ALK: variants seen among roughly 807,000 people sequenced by gnomAD.
ALK encodes the protein ALK receptor tyrosine kinase.
Under a neutral mutation model 163.1 loss-of-function variants are expected in ALK, and 74 were observed. The ratio of observed to expected loss-of-function variants is 0.45; its 90% CI spans 0.38 to 0.55. The LOEUF is 0.55. ALK is among the 20% of genes least tolerant of loss of function. ALK has a pLI of 0.00. For synonymous variants in ALK, 960 were observed against 843.2 expected (o/e 1.14, Z -2.40); for missense variants, 2,063 against 2,105.3 (o/e 0.98, Z 0.39).
At chr2:29,550,250 T>C (rs532203343) in intron 3 of ALK, among the ~76,000 whole-genome samples, 191 of 152,342 alleles carry the variant, frequency 1.3e-3, no homozygotes, top group South Asian at 0.01. Flanking sequence ...ACCTACTTTT[T>C]AGTTGAGAAA....
At chr2:29,761,670 C>T (rs1411052283) in intron 1 of ALK, among the ~76,000 whole-genome samples, 3 of 152,216 alleles carry the variant, frequency 2.0e-5, no homozygotes, top group Non-Finnish European at 2.9e-5. Context: ...TCAGTGTCCA[C>T]CCATTAAAGA....
intron 1 of ALK, among the ~76,000 whole-genome samples, chr2:29,898,363 C>T (rs1231542616): frequency 6.6e-6 from 1 of 152,178 alleles, no homozygotes; most frequent in Non-Finnish European, 1.5e-5. Flanking sequence ...CTTTGATTAA[C>T]CTTTATCTGG....
At chr2:29,571,147 G>T (rs1232569539) in intron 3 of ALK, among the ~76,000 whole-genome samples, 1 of 152,126 alleles carries the variant, frequency 6.6e-6, no homozygotes, top group African/African-American at 2.4e-5. Flanking sequence ...AAAATGAACA[G>T]CTTTGCAGAG....
intron 1 of ALK, among the ~76,000 whole-genome samples, chr2:29,866,497 G>A (rs1209191852): frequency 4.6e-5 from 7 of 152,108 alleles, no homozygotes; most frequent in Non-Finnish European, 7.4e-5. Flanking sequence ...CGGGTTTAGC[G>A]GACCCTGTCT....
chr2:29,740,124 A>G (rs1462340338), intron 1 of ALK, among the ~76,000 whole-genome samples: 1 of 152,118 alleles, frequency 6.6e-6, no homozygotes, highest in Admixed American at 6.5e-5. Context: ...ATGTGAGGTC[A>G]GAGGCTGTTG....
In ALK at chr2:29,527,248, A is replaced by G. The variant is rs1199594195; in HGVS notation, c.1154+4667T>C. Among the ~76,000 whole-genome samples the G allele has an allele frequency of 2.0e-5, 3 of 152,234 alleles. No homozygotes were observed. In the East Asian group the frequency reaches 5.8e-4, roughly 29 times the overall value. The stretch of plus-strand genomic sequence containing the variant: ...TCTTTTTGAGTTAAATTACCTTGGC[A>G]CATTTCCTATTAGGATTGCTACTGG... On this transcript the variant is annotated intron_variant, in intron 4 of 28. Transcript: ENST00000389048.
chr2:29,674,178 C>A (rs1325509780), intron 3 of ALK, among the ~76,000 whole-genome samples: 7 of 151,752 alleles, frequency 4.6e-5, no homozygotes, highest in African/African-American at 1.5e-4. Flanking sequence ...CCTTCACCTG[C>A]CTAATTGCCC....
chr2:29,458,984 G>GCTTA (rs1156315137), intron 4 of ALK, among the ~76,000 whole-genome samples: 54 of 152,058 alleles, frequency 3.6e-4, no homozygotes, highest in Non-Finnish European at 3.8e-4. Context: ...ATTTTAATAG[G>GCTTA]CTTATAGGTC....
chr2:29,714,654 A>G (rs1558455692), intron 2 of ALK, among the ~76,000 whole-genome samples: 1 of 152,204 alleles, frequency 6.6e-6, no homozygotes, highest in Non-Finnish European at 1.5e-5. Context: ...GTGGACTTCC[A>G]TGATGGACTT....
chr2:29,259,024 A>G (rs1296183733), intron 11 of ALK, among the ~76,000 whole-genome samples: 1 of 152,236 alleles, frequency 6.6e-6, no homozygotes. Flanking sequence ...GTACATCATG[A>G]GTTCATATTG....
intron 3 of ALK, among the ~76,000 whole-genome samples, chr2:29,692,966 C>T (rs1447641853): frequency 1.3e-5 from 2 of 152,168 alleles, no homozygotes; most frequent in Non-Finnish European, 2.9e-5. Context: ...ACAATTTAAT[C>T]CCATTTATAT....
intron 4 of ALK, among the ~76,000 whole-genome samples, chr2:29,465,265 T>C (rs1671181995): frequency 6.6e-6 from 1 of 152,110 alleles, no homozygotes; most frequent in Non-Finnish European, 1.5e-5. Flanking sequence ...CAAAAGACAA[T>C]AGAGCAATAT....
intron 1 of ALK, among the ~76,000 whole-genome samples, chr2:29,899,360 T>C (rs1271996643): frequency 1.3e-5 from 2 of 152,186 alleles, no homozygotes; most frequent in African/African-American, 2.4e-5. Flanking sequence ...TGCAAGCAGC[T>C]GTGTGTGAAG....
chr2:29,383,564 G>A lies in ALK; in HGVS notation c.1282+168C>T, dbSNP rs753587896. On this transcript the variant is annotated intron_variant, in intron 5 of 28. Transcript: ENST00000389048. The stretch of plus-strand genomic sequence containing the variant: ...ACTCTTGACCTCAAGTGATCCACCC[G>A]TCTCGGCCTCCCAAAGTGCTGGGAT... Among the ~76,000 whole-genome samples the A allele has an allele frequency of 9.9e-5, 15 of 152,118 alleles. No homozygotes were observed. In the East Asian group the frequency reaches 1.7e-3, roughly 18 times the overall value.
rs77466863 is a variant in ALK, at chr2:29,271,075, G to C, written c.2041+4024C>G. 7.6e-3 allele frequency among the ~76,000 whole-genome samples: 1,164 copies of C among 152,302 alleles called. 14 individuals are homozygous for C. Among genetic ancestry groups the C allele is most frequent in the African/African-American group, 0.027 (1,103 of 41,562 alleles). On this transcript the variant is annotated intron_variant, in intron 11 of 28. Transcript: ENST00000389048. ...AAGGGAAGAGGCCTCCTCTATTGGG[G>C]TGTGCTACTGAAGTAGGCTTGGCCG...
chr2:29,684,362 G>A (rs569218638), intron 3 of ALK, among the ~76,000 whole-genome samples: 2 of 152,156 alleles, frequency 1.3e-5, no homozygotes, highest in African/African-American at 4.8e-5. Flanking sequence ...CTGATGTCAC[G>A]TGTCAGCCAA....
At chr2:29,759,350 C>T (rs1229697244) in intron 1 of ALK, among the ~76,000 whole-genome samples, 1 of 152,118 alleles carries the variant, frequency 6.6e-6, no homozygotes, top group African/African-American at 2.4e-5. Flanking sequence ...CAAGCAATAC[C>T]ATTGACTGAG....
At chr2:29,224,840 G>T (rs1573127727) in intron 19 of ALK, 1 of 216,258 alleles carries the variant, frequency 4.6e-6, no homozygotes, top group Non-Finnish European at 9.3e-6. Flanking sequence ...TGCCTGCAGG[G>T]GCCTGGCCTG....
At chr2:29,815,429 A>G (rs1054657666) in intron 1 of ALK, among the ~76,000 whole-genome samples, 5 of 152,142 alleles carry the variant, frequency 3.3e-5, no homozygotes, top group African/African-American at 9.7e-5. Flanking sequence ...TGTTTAATAT[A>G]AAGAGTTCTG....
Sources: allele counts gnomAD v4.1 joint callset (sites outside exome capture counted in the v4.1 genomes callset), GRCh38; gene constraint gnomAD v4.1.1; transcripts MANE v1.5; gene names NCBI Gene and HGNC (gene_info 2026-07-23, HGNC 2026-07-21).